The following ARFIP1 variants were observed in gnomAD, a reference collection of about 807,000 sequenced individuals.
The protein encoded by ARFIP1 is ARF interacting protein 1.
ARFIP1 carries 24 observed loss-of-function variants against 42.5 expected under a neutral mutation model. The ratio of observed to expected loss-of-function variants is 0.57; its 90% CI spans 0.41 to 0.80. ARFIP1 has a LOEUF of 0.80. Among genes scored for constraint, ARFIP1 ranks in the 30% least tolerant of loss-of-function variants. The pLI, the probability that ARFIP1 is intolerant of heterozygous loss-of-function variation, is 0.00. For missense variants in ARFIP1, 354 were observed against 434.0 expected, an observed-to-expected ratio of 0.82 and a Z score of 1.64; for synonymous variants, 141 against 153.7, an observed-to-expected ratio of 0.92 and a Z score of 0.61.
At chr4:152,882,618 T>G (rs1735934458) in intron 6 of ARFIP1, 105 bp from the exon 7 acceptor site, 2 of 1,086,254 alleles carry the variant, frequency 1.8e-6, no homozygotes, top group African/African-American at 3.2e-5. Flanking sequence ...TACAGCTAGA[T>G]CTCTATCTAA....
rs143736260 is a variant in ARFIP1, at chr4:152,817,929, G to A, written c.-9-11696G>A. On this transcript the variant is annotated intron_variant, in intron 1 of 8. Transcript: ENST00000353617. ...GATATCACTGTACACTTATTAGGAT[G>A]GCAGCTATTAGAAAAAAACAGTAAA... Among the ~76,000 whole-genome samples the A allele has an allele frequency of 9.4e-4, 143 of 152,268 alleles. 1 individual carries two copies. The highest frequency in any genetic ancestry group is 3.4e-3 in the African/African-American group (142 of 41,554).
At chr4:152,881,788 T>C (rs1032242851) in intron 6 of ARFIP1, among the ~76,000 whole-genome samples, 5 of 152,160 alleles carry the variant, frequency 3.3e-5, no homozygotes, top group Admixed American at 1.3e-4. Flanking sequence ...ATAAGGATAA[T>C]TTTACTTTCC....
At chr4:152,890,698 T>C (rs997730217) in intron 8 of ARFIP1, among the ~76,000 whole-genome samples, 4 of 152,094 alleles carry the variant, frequency 2.6e-5, no homozygotes, top group Non-Finnish European at 5.9e-5. Context: ...ATCCAGTGTT[T>C]AGTTTGAGAT....
In ARFIP1 at chr4:152,867,135, C is replaced by CAAGGCAGGCA. The variant is rs560947337; in HGVS notation, c.202+3422_202+3431dup. On this transcript the variant is annotated intron_variant, in intron 3 of 8. Coordinates refer to ENST00000353617, the MANE Select transcript of ARFIP1 (RefSeq NM_001025595.3). ...CTGCAATCTCGGCACTTTGGGAGGC[C>CAAGGCAGGCA]AAGGCAGGCAGCTGGGAGGTGGAGG... Among the ~76,000 whole-genome samples, 648 of 152,258 alleles carry CAAGGCAGGCA rather than the reference C, an allele frequency of 4.3e-3. 3 individuals carry two copies. Among genetic ancestry groups the CAAGGCAGGCA allele is most frequent in the African/African-American group, 0.015 (606 of 41,530 alleles).
chr4:152,849,150 AAATT>A (rs1732789429), intron 2 of ARFIP1, among the ~76,000 whole-genome samples: 1 of 152,218 alleles, frequency 6.6e-6, no homozygotes, highest in African/African-American at 2.4e-5. Context: ...CACATACATT[AAATT>A]AATTCTGGAT....
At chr4:152,823,366 C>T (rs1308643057) in intron 1 of ARFIP1, among the ~76,000 whole-genome samples, 1 of 152,074 alleles carries the variant, frequency 6.6e-6, no homozygotes. Flanking sequence ...AAATCCTGAA[C>T]ACATCAATAG....
chr4:152,823,875 A>T (rs1291790078), intron 1 of ARFIP1, among the ~76,000 whole-genome samples: 2 of 150,772 alleles, frequency 1.3e-5, no homozygotes, highest in African/African-American at 4.9e-5. Flanking sequence ...AACTCATCTT[A>T]TGGGGCCAGT....
intron 1 of ARFIP1, among the ~76,000 whole-genome samples, chr4:152,795,519 T>C (rs1253428155): frequency 6.6e-6 from 1 of 152,192 alleles, no homozygotes; most frequent in East Asian, 1.9e-4. Flanking sequence ...CTTTGTATAT[T>C]TGGAGGTATA....
rs780601305 is a variant in ARFIP1 at position 152,863,673 on chromosome 4, A to G, written c.161A>G (p.Asp54Gly). The change falls in exon 3 of 9, where the codon GAC (aspartate) becomes GGC (glycine). Residue 54 changes from aspartate (D) to glycine (G), a missense_variant. Transcript: ENST00000353617. ...ACCCAAATTACATCTCATGGCTTTG[A>G]CAATACCAAAGAGGGTGTTATTGAA... is the stretch of plus-strand genomic sequence containing the variant. ...SETQITSHGF[D>G]NTKEGVIEAG... 18 of 1,610,826 alleles carry G rather than the reference A, an allele frequency of 1.1e-5. No homozygotes were observed. The highest frequency in any genetic ancestry group is 3.3e-5 in the Admixed American group (2 of 59,964).
chr4:152,811,730 A>G (rs1729483385), intron 1 of ARFIP1, among the ~76,000 whole-genome samples: 2 of 152,206 alleles, frequency 1.3e-5, no homozygotes, highest in African/African-American at 2.4e-5. Context: ...AGCATTTTGT[A>G]TAATTATTTT....
At chr4:152,825,626 T>C (rs1240611550) in intron 1 of ARFIP1, among the ~76,000 whole-genome samples, 2 of 152,206 alleles carry the variant, frequency 1.3e-5, no homozygotes, top group Non-Finnish European at 2.9e-5. Flanking sequence ...GACATTGGCC[T>C]AGGCAAAGAA....
At chr4:152,788,362 G>T (rs187287952) in intron 1 of ARFIP1, among the ~76,000 whole-genome samples, 66 of 152,234 alleles carry the variant, frequency 4.3e-4, no homozygotes, top group East Asian at 7.7e-4. Flanking sequence ...AGATAGAATA[G>T]AGCTTCCCAT....
intron 1 of ARFIP1, among the ~76,000 whole-genome samples, chr4:152,821,307 A>C (rs529034834): frequency 2.0e-5 from 3 of 152,172 alleles, no homozygotes; most frequent in Non-Finnish European, 4.4e-5. Flanking sequence ...ACCAACCAGA[A>C]CTTCTGGAAG....
chr4:152,791,598 A>G (rs977430305), intron 1 of ARFIP1, among the ~76,000 whole-genome samples: 2 of 152,162 alleles, frequency 1.3e-5, no homozygotes, highest in Non-Finnish European at 2.9e-5. Flanking sequence ...GATTTTGTAA[A>G]GACGTAAATA....
chr4:152,860,606 G>C (rs1578952106), intron 2 of ARFIP1, among the ~76,000 whole-genome samples: 1 of 152,110 alleles, frequency 6.6e-6, no homozygotes, highest in Non-Finnish European at 1.5e-5. Context: ...ACTACTATTA[G>C]TAACAAATCA....
intron 2 of ARFIP1, among the ~76,000 whole-genome samples, chr4:152,838,406 T>A (rs1262851326): frequency 6.6e-6 from 1 of 152,196 alleles, no homozygotes; most frequent in African/African-American, 2.4e-5. Context: ...CATCCATGAG[T>A]ATGGGATGTG....
In ARFIP1 at chr4:152,872,477, T is replaced by A. The variant is rs1307975064; in HGVS notation, c.324T>A (p.Ser108Arg). ...GTGGCCAGAGAACACAGACAAAAAG[T>A]GGACCAGTTATTCTAGCAGATGAAA... Reference protein sequence around the residue: ...PAGGQRTQTKSGPVILADEIK... With the variant: ...PAGGQRTQTKRGPVILADEIK... The change falls in exon 5 of 9, where the codon AGT (serine) becomes AGA (arginine). Residue 108 changes from serine to arginine, a missense_variant. Physicochemically the swap from Ser to Arg is moderately radical, Grantham distance 110. Coordinates refer to ENST00000353617, the MANE Select transcript of ARFIP1 (RefSeq NM_001025595.3). The A allele has an allele frequency of 6.2e-7, 1 of 1,610,886 alleles. No homozygotes were observed. The highest frequency in any genetic ancestry group is 8.5e-7 in the Non-Finnish European group (1 of 1,178,672).
intron 1 of ARFIP1, among the ~76,000 whole-genome samples, chr4:152,790,225 T>A (rs750172945): frequency 2.0e-4 from 31 of 152,362 alleles, no homozygotes; most frequent in South Asian, 4.1e-4. Flanking sequence ...GTTTTGGGAA[T>A]TTAGTAACAA....
At chr4:152,816,396 C>T (rs991650646) in intron 1 of ARFIP1, among the ~76,000 whole-genome samples, 4 of 152,212 alleles carry the variant, frequency 2.6e-5, no homozygotes, top group Non-Finnish European at 4.4e-5. Flanking sequence ...TCTTGCCATT[C>T]CTTGAAAAGC....
Sources: allele counts gnomAD v4.1 joint callset (sites outside exome capture counted in the v4.1 genomes callset), GRCh38; gene constraint gnomAD v4.1.1; transcripts MANE v1.5; gene names NCBI Gene and HGNC (gene_info 2026-07-23, HGNC 2026-07-21).